Variants in OLFM3 observed in about 807,000 individuals in gnomAD.
OLFM3 encodes the protein noelin-3.
OLFM3 carries 20 observed loss-of-function variants against 48.6 expected under a neutral mutation model. The ratio of observed to expected loss-of-function variants is 0.41; its 90% CI spans 0.29 to 0.60. The LOEUF (loss-of-function observed/expected upper bound fraction) is 0.60, where lower values mean the gene tolerates loss of function less well. OLFM3 is among the 20% of genes least tolerant of loss of function. The probability of loss-of-function intolerance (pLI) is 0.28; values close to 1 mark genes in which losing one functional copy is unlikely to be tolerated. For missense variants in OLFM3, 437 were observed against 544.3 expected, an observed-to-expected ratio of 0.80 and a Z score of 1.96; for synonymous variants, 222 against 198.1, an observed-to-expected ratio of 1.12 and a Z score of -1.01.
chr1:101,936,056 T>C (rs1430527133), intron 1 of OLFM3, among the ~76,000 whole-genome samples: 1 of 151,858 alleles, frequency 6.6e-6, no homozygotes, highest in Non-Finnish European at 1.5e-5. Context: ...CCTTAAGAAA[T>C]GAAATAAGAT....
chr1:101,944,345 T>A (rs1659890394), intron 1 of OLFM3, among the ~76,000 whole-genome samples: 1 of 151,998 alleles, frequency 6.6e-6, no homozygotes, highest in Non-Finnish European at 1.5e-5. Flanking sequence ...ATTGTAATAA[T>A]AATCCAGAGG....
intron 1 of OLFM3, among the ~76,000 whole-genome samples, chr1:101,930,237 G>T (rs990876814): frequency 6.6e-6 from 1 of 152,112 alleles, no homozygotes; most frequent in Non-Finnish European, 1.5e-5. Context: ...GTAATGTGCT[G>T]TCCTATCCTT....
chr1:101,974,631 A>G (rs1476743785), intron 1 of OLFM3, among the ~76,000 whole-genome samples: 2 of 152,086 alleles, frequency 1.3e-5, no homozygotes, highest in African/African-American at 4.8e-5. Flanking sequence ...GGGTTTCTTG[A>G]AAAAAGCACT....
intron 1 of OLFM3, among the ~76,000 whole-genome samples, chr1:101,891,506 C>T (rs1423500563): frequency 6.6e-6 from 1 of 151,830 alleles, no homozygotes; most frequent in Non-Finnish European, 1.5e-5. Flanking sequence ...ATCACTATTA[C>T]TCATAAGAAG....
intron 4 of OLFM3, among the ~76,000 whole-genome samples, chr1:101,819,597 C>T (rs1437444185): frequency 2.6e-5 from 4 of 151,788 alleles, no homozygotes; most frequent in Admixed American, 1.3e-4. Context: ...GATTGCATGG[C>T]GGTGTGAAGT....
chr1:101,963,526 G>GACTTACAGCA (rs1660524966), intron 1 of OLFM3, among the ~76,000 whole-genome samples: 1 of 33,434 alleles, frequency 3.0e-5, no homozygotes, highest in African/African-American at 1.3e-4. Flanking sequence ...GACTTACAGA[G>GACTTACAGCA]ACTTACAGCC....
At chr1:101,906,196 A>G (rs1180653815) in intron 1 of OLFM3, among the ~76,000 whole-genome samples, 1 of 151,564 alleles carries the variant, frequency 6.6e-6, no homozygotes. Flanking sequence ...TTTTTTTTTT[A>G]ATGTTTGATG....
chr1:101,883,033 C>G (rs1229753090), intron 1 of OLFM3: 1 of 151,758 alleles, frequency 6.6e-6, no homozygotes, highest in African/African-American at 2.4e-5. Flanking sequence ...GTCTCTTTAC[C>G]AAAGACCTTC....
chr1:101,904,254 T>G (rs867508039), intron 1 of OLFM3, among the ~76,000 whole-genome samples: 12 of 152,196 alleles, frequency 7.9e-5, no homozygotes, highest in Middle Eastern at 6.8e-3. Context: ...CTTGAATGAT[T>G]GAAGATGGGA....
chr1:101,985,965 ATT>A (rs397973710), intron 1 of OLFM3, among the ~76,000 whole-genome samples: 89 of 134,818 alleles, frequency 6.6e-4, no homozygotes, highest in African/African-American at 1.2e-3. Context: ...GATGAACTAC[ATT>A]TTTTTTTTTT....
chr1:101,890,635 G>T (rs918353803), intron 1 of OLFM3, among the ~76,000 whole-genome samples: 1 of 146,398 alleles, frequency 6.8e-6, no homozygotes, highest in Non-Finnish European at 1.5e-5. Flanking sequence ...CTTTGTTTCT[G>T]ATATCTGCAT....
chr1:101,958,572 G>A (rs1343413770), intron 1 of OLFM3, among the ~76,000 whole-genome samples: 1 of 152,004 alleles, frequency 6.6e-6, no homozygotes, highest in Non-Finnish European at 1.5e-5. Context: ...TTCAGAATAT[G>A]CATGCTTTTT....
In OLFM3 at chr1:101,996,910, GC is replaced by G; in HGVS notation, c.-95del. 3 of 1,313,938 alleles carry G rather than the reference GC, an allele frequency of 2.3e-6. No individual in the cohort carries two copies. Among genetic ancestry groups the G allele is most frequent in the Non-Finnish European group, 3.3e-6 (3 of 918,348 alleles). The allele number at this position is 1,313,938 out of a possible 1,614,324, so 81.4% of individuals were successfully genotyped here. A position where few individuals can be genotyped will look rare whatever the true frequency, so the allele number is the denominator to read the frequency against. ...CCCTCGTCAGTTGCACTTTCTGCCT[GC>G]CAGTCAGAGCCGAGTGGAAGCAGAG... On this transcript the variant is annotated 5_prime_UTR_variant, in exon 1 of 6. Coordinates refer to ENST00000370103, the MANE Select transcript of OLFM3 (RefSeq NM_058170.4).
intron 1 of OLFM3, among the ~76,000 whole-genome samples, chr1:101,935,344 A>T (rs1318926848): frequency 6.6e-6 from 1 of 152,106 alleles, no homozygotes; most frequent in African/African-American, 2.4e-5. Context: ...ACTACTGTGA[A>T]CACCTCTATG....
intron 1 of OLFM3, among the ~76,000 whole-genome samples, chr1:101,939,102 T>C (rs935876158): frequency 2.6e-5 from 4 of 152,182 alleles, no homozygotes; most frequent in Non-Finnish European, 4.4e-5. Context: ...AAACATTCAT[T>C]AGAAAATAAG....
chr1:101,969,789 A>AG (rs1660730821), intron 1 of OLFM3, among the ~76,000 whole-genome samples: 1 of 152,094 alleles, frequency 6.6e-6, no homozygotes, highest in Admixed American at 6.5e-5. Context: ...TGTCAGGAGA[A>AG]GGATGTCAAT....
chr1:101,916,965 C>A (rs1474719160), intron 1 of OLFM3, among the ~76,000 whole-genome samples: 1 of 152,080 alleles, frequency 6.6e-6, no homozygotes, highest in African/African-American at 2.4e-5. Flanking sequence ...AAATGCTGCA[C>A]TAAGCTATAA....
chr1:101,856,969 T>C (rs986190708), intron 1 of OLFM3, among the ~76,000 whole-genome samples: 4 of 151,932 alleles, frequency 2.6e-5, no homozygotes, highest in African/African-American at 9.7e-5. Flanking sequence ...GAAAAGATAA[T>C]GCTTGAGTTA....
chr1:101,871,049 C>A (rs1481572855), intron 1 of OLFM3, among the ~76,000 whole-genome samples: 1 of 151,974 alleles, frequency 6.6e-6, no homozygotes, highest in Non-Finnish European at 1.5e-5. Flanking sequence ...AACTCTTGTA[C>A]ATACTCAGTC....
Sources: gnomAD v4.1 joint callset for allele counts (sites outside exome capture counted in the v4.1 genomes callset) on GRCh38, gnomAD v4.1.1 for gene constraint, MANE v1.5 for transcripts, NCBI Gene and HGNC (gene_info 2026-07-23, HGNC 2026-07-21) for gene names.